ADGRL2: variants seen among roughly 807,000 people sequenced by gnomAD.
The protein encoded by ADGRL2 is calcium-independent alpha-latrotoxin receptor 2.
A neutral mutation model predicts 157.4 loss-of-function variants in ADGRL2; 44 were observed. The observed-to-expected ratio is 0.28, with a 90% CI of 0.22 to 0.36. ADGRL2 has a LOEUF of 0.36. ADGRL2 is among the 10% of genes least tolerant of loss of function. The pLI, the probability that ADGRL2 is intolerant of heterozygous loss-of-function variation, is 1.00. For synonymous variants in ADGRL2, 585 were observed against 624.7 expected (o/e 0.94, Z 0.95); for missense variants, 1,510 against 1,768.9 (o/e 0.85, Z 2.63).
At chr1:81,409,503 G>C (rs1414636079) in intron 1 of ADGRL2, among the ~76,000 whole-genome samples, 2 of 152,178 alleles carry the variant, frequency 1.3e-5, no homozygotes, top group Non-Finnish European at 2.9e-5. Flanking sequence ...ACATGAATTT[G>C]GATGCCAAAT....
chr1:81,592,660 G>A (rs1268952451), intron 3 of ADGRL2, among the ~76,000 whole-genome samples: 1 of 152,116 alleles, frequency 6.6e-6, no homozygotes, highest in Non-Finnish European at 1.5e-5. Context: ...GGAAGGAGAG[G>A]GCAAAGGAAG....
chr1:81,332,541 C>T (rs1661345448), intron 1 of ADGRL2, among the ~76,000 whole-genome samples: 1 of 152,110 alleles, frequency 6.6e-6, no homozygotes, highest in Non-Finnish European at 1.5e-5. Context: ...TAAATTCAAA[C>T]CTCCTCATGG....
At chr1:81,622,040 C>A (rs1361571026) in intron 3 of ADGRL2, among the ~76,000 whole-genome samples, 1 of 152,130 alleles carries the variant, frequency 6.6e-6, no homozygotes, top group African/African-American at 2.4e-5. Context: ...CCAAACATAG[C>A]AAATGCATCT....
At chr1:81,327,602 C>T (rs773531947) in intron 1 of ADGRL2, among the ~76,000 whole-genome samples, 4 of 152,080 alleles carry the variant, frequency 2.6e-5, no homozygotes, top group Non-Finnish European at 5.9e-5. Flanking sequence ...AAATCAATAT[C>T]CCTAAAATAA....
chr1:81,613,725 G>A (rs1340763583), intron 3 of ADGRL2, among the ~76,000 whole-genome samples: 5 of 152,180 alleles, frequency 3.3e-5, no homozygotes, highest in African/African-American at 1.2e-4. Context: ...GGGATAAACA[G>A]GGTGATCCAA....
At chr1:81,830,182 C>G (rs2091841068) in intron 1 of ADGRL2, among the ~76,000 whole-genome samples, 1 of 151,992 alleles carries the variant, frequency 6.6e-6, no homozygotes, top group Non-Finnish European at 1.5e-5. Flanking sequence ...TTTATAATGC[C>G]TTTAGAACCT....
At chr1:81,395,291 A>G (rs535070672) in intron 1 of ADGRL2, among the ~76,000 whole-genome samples, 2 of 152,114 alleles carry the variant, frequency 1.3e-5, no homozygotes, top group Non-Finnish European at 2.9e-5. Flanking sequence ...AGTGATGTTG[A>G]GCATTTTTTC....
At chr1:81,950,907 A>G in intron 7 of ADGRL2, 111 bp from the exon 8 acceptor site, 1 of 706,304 alleles carries the variant, frequency 1.4e-6, no homozygotes, top group Non-Finnish European at 2.6e-6. Context: ...AAATACTTGC[A>G]TTAGAGTTTA....
intron 2 of ADGRL2, among the ~76,000 whole-genome samples, chr1:81,504,862 G>A (rs1211831131): frequency 6.6e-6 from 1 of 152,186 alleles, no homozygotes; most frequent in Non-Finnish European, 1.5e-5. Flanking sequence ...CCGCCCCAGG[G>A]TATGAGGAGA....
intron 2 of ADGRL2, among the ~76,000 whole-genome samples, chr1:81,839,883 A>G (rs1187754050): frequency 8.2e-6 from 1 of 121,488 alleles, no homozygotes. Context: ...ATATATATAT[A>G]TTTTCCATCA....
At chr1:81,753,200 T>C (rs2085546310) in intron 1 of ADGRL2, among the ~76,000 whole-genome samples, 3 of 152,208 alleles carry the variant, frequency 2.0e-5, no homozygotes, top group South Asian at 2.1e-4. Context: ...TTAATTGGAC[T>C]CACAGTTCCA....
At chr1:81,869,159 G>C (rs2093627629) in intron 2 of ADGRL2, among the ~76,000 whole-genome samples, 2 of 152,118 alleles carry the variant, frequency 1.3e-5, no homozygotes, top group Non-Finnish European at 2.9e-5. Context: ...TGTTGGTGTT[G>C]TTGACTGAGA....
chr1:81,932,056 A>T (rs1182307511), intron 3 of ADGRL2, among the ~76,000 whole-genome samples: 1 of 152,194 alleles, frequency 6.6e-6, no homozygotes, highest in South Asian at 2.1e-4. Context: ...CACTTTATTA[A>T]CATTTATTTG....
intron 2 of ADGRL2, among the ~76,000 whole-genome samples, chr1:81,860,346 CT>C (rs1225281582): frequency 6.6e-6 from 1 of 151,842 alleles, no homozygotes; most frequent in Non-Finnish European, 1.5e-5. Flanking sequence ...TATTTATTAA[CT>C]TCCTATTTTT....
intron 3 of ADGRL2, among the ~76,000 whole-genome samples, chr1:81,634,520 T>TG (rs1349027405): frequency 1.4e-3 from 202 of 147,838 alleles, no homozygotes; most frequent in African/African-American, 4.9e-3. Context: ...TTGTTTTTTT[T>TG]TTTTTGGTTT....
intron 2 of ADGRL2, among the ~76,000 whole-genome samples, chr1:81,901,961 G>A (rs993384622): frequency 6.6e-6 from 1 of 152,154 alleles, no homozygotes; most frequent in Non-Finnish European, 1.5e-5. Flanking sequence ...AGGAGCTCCT[G>A]ACAACATGTG....
At chr1:81,683,976 C>T (rs768829112) in intron 3 of ADGRL2, among the ~76,000 whole-genome samples, 6 of 152,006 alleles carry the variant, frequency 3.9e-5, no homozygotes, top group African/African-American at 9.7e-5. Flanking sequence ...GCCACCATGC[C>T]CGGCTCATTT....
intron 1 of ADGRL2, among the ~76,000 whole-genome samples, chr1:81,424,653 C>T (rs2077180109): frequency 6.6e-6 from 1 of 152,176 alleles, no homozygotes; most frequent in Non-Finnish European, 1.5e-5. Flanking sequence ...TTTTAATCTT[C>T]ATGATAGACA....
chr1:81,925,392 G>T (rs2095080630), intron 3 of ADGRL2, among the ~76,000 whole-genome samples: 1 of 151,778 alleles, frequency 6.6e-6, no homozygotes. Context: ...TATTTTAGAA[G>T]TTGCAAGAGG....
Sources: allele counts gnomAD v4.1 joint callset (sites outside exome capture counted in the v4.1 genomes callset), GRCh38; gene constraint gnomAD v4.1.1; transcripts MANE v1.5; gene names NCBI Gene and HGNC (gene_info 2026-07-23, HGNC 2026-07-21).